Variants in SWI5 observed in about 807,000 individuals in gnomAD.
SWI5 encodes the protein DNA repair protein SWI5 homolog.
SWI5 carries 12 observed loss-of-function variants against 17.0 expected under a neutral mutation model. That is an observed-to-expected ratio of 0.71 (90% CI 0.45 to 1.14). The LOEUF (loss-of-function observed/expected upper bound fraction) is 1.14. SWI5 is among the 50% of genes most tolerant of loss of function. The pLI, the probability that SWI5 is intolerant of heterozygous loss-of-function variation, is 0.00. For synonymous variants in SWI5, 61 were observed against 64.0 expected (o/e 0.95, Z 0.22); for missense variants, 158 against 162.2 (o/e 0.97, Z 0.14).
In SWI5 at chr9:128,285,848, T is replaced by C; in HGVS notation, c.234-91T>C. On this transcript the variant is annotated intron_variant, in intron 3 of 4. Coordinates refer to ENST00000418976, the Ensembl canonical transcript of SWI5. The surrounding 1 kb of genome is among the most constrained non-coding windows in gnomAD (Gnocchi z 4.8). ...CTAGTACCTATCACCGAGTAGGCCA[T>C]TACAGATGCCTTATTACTATCTGAG... 2 of 852,364 alleles carry C rather than the reference T, an allele frequency of 2.3e-6. No homozygotes were observed. The highest frequency in any genetic ancestry group is 1.5e-5 in the South Asian group (1 of 68,076). 52.8% of individuals were successfully genotyped at this position (852,364 alleles called of 1,614,324 possible). A position where few individuals can be genotyped will look rare whatever the true frequency, so the allele number is the denominator to read the frequency against.
Position 128,285,972 on chromosome 9 carries a change from T to A in SWI5, c.267T>A (p.Ile89=). 6.2e-7 allele frequency: 1 copy of A among 1,614,094 alleles called. No individual in the cohort carries two copies. The highest frequency in any genetic ancestry group is 1.1e-5 in the South Asian group (1 of 91,080). ...GTGTGGATGAACTGGAGGACCACATTACCCAGCTTCACGAGTACAATGACA... is the reference window on the plus strand; with the variant it reads ...GTGTGGATGAACTGGAGGACCACATAACCCAGCTTCACGAGTACAATGACA... Residue 89 remains isoleucine, a synonymous_variant, in exon 4 of 5, where the codon ATT becomes ATA. Coordinates refer to ENST00000418976, the Ensembl canonical transcript of SWI5. The surrounding 1 kb of genome is among the most constrained non-coding windows in gnomAD (Gnocchi z 4.8).
In SWI5 at chr9:128,285,468, TG is replaced by T. The variant is rs1831622677; in HGVS notation, c.234-470del. On this transcript the variant is annotated intron_variant, in intron 3 of 4. Transcript: ENST00000418976. This position sits in a 1 kb window ranked among gnomAD's most constrained non-coding sequence, Gnocchi z 4.8. ...TCTCCGGAGCCATGTTCTCCACCTC[TG>T]CTTCCCTCTGCACAGACTCCATTCT... Among the ~76,000 whole-genome samples, 1 of 152,226 alleles carries T rather than the reference TG, an allele frequency of 6.6e-6. No individual in the cohort carries two copies. The highest frequency in any genetic ancestry group is 1.5e-5 in the Non-Finnish European group (1 of 68,040).
In SWI5 at chr9:128,285,327, A is replaced by G. The variant is rs181061320; in HGVS notation, c.234-612A>G. 1.8e-3 allele frequency among the ~76,000 whole-genome samples: 269 copies of G among 152,180 alleles called. No homozygotes were observed. Among genetic ancestry groups the G allele is most frequent in the African/African-American group, 6.2e-3 (258 of 41,528 alleles). ...GGAAGGAAGAAAGAAAGGAAGGACT[A>G]TGCTTCTGGATTCAGGACATAGCAG... On this transcript the variant is annotated intron_variant, in intron 3 of 4. Transcript: ENST00000418976. The surrounding 1 kb of genome is among the most constrained non-coding windows in gnomAD (Gnocchi z 4.8).
In SWI5 at chr9:128,285,904, G is replaced by A. The variant is rs1194223950; in HGVS notation, c.234-35G>A. Reference sequence around the variant, plus strand: ...GGCCATCATCTGCTTTCTTAACTGGGCTGTCTTTCCCCCTCTCTCCATCGC... The same window carrying A: ...GGCCATCATCTGCTTTCTTAACTGGACTGTCTTTCCCCCTCTCTCCATCGC... On this transcript the variant is annotated intron_variant, in intron 3 of 4. Coordinates refer to ENST00000418976, the Ensembl canonical transcript of SWI5. This position sits in a 1 kb window ranked among gnomAD's most constrained non-coding sequence, Gnocchi z 4.8. The A allele has an allele frequency of 3.4e-6, 5 of 1,471,722 alleles. No individual in the cohort carries two copies. Among genetic ancestry groups the A allele is most frequent in the African/African-American group, 2.8e-5 (2 of 71,984 alleles). The allele number at this position is 1,471,722 out of a possible 1,614,324, so 91.2% of individuals were successfully genotyped here.
chr9:128,275,871 G>C, upstream of SWI5: 1 of 1,381,552 alleles, frequency 7.2e-7, no homozygotes, highest in Non-Finnish European at 1.0e-6. Context: ...GGGTCGGGGG[G>C]CCGCGACCCG....
At chr9:128,276,884 T>G in intron 2 of SWI5, 129 bp downstream of exon 2, 1 of 960,560 alleles carries the variant, frequency 1.0e-6, no homozygotes, top group Non-Finnish European at 1.6e-6. Flanking sequence ...CCCAGTCGAC[T>G]GAGAACCGCC....
upstream of SWI5, chr9:128,276,173 T>A: frequency 6.3e-7 from 1 of 1,578,698 alleles, no homozygotes. Context: ...GAGGGACCTG[T>A]GGCGTCACAA....
chr9:128,277,527 C>G (rs1426706136), intron 2 of SWI5, among the ~76,000 whole-genome samples: 1 of 152,210 alleles, frequency 6.6e-6, no homozygotes, highest in Non-Finnish European at 1.5e-5. Context: ...GCACTCCAGC[C>G]TGGACAACAG....
At chr9:128,276,294 G>C in exon 1 of SWI5, 1 of 1,612,876 alleles carries the variant, frequency 6.2e-7, no homozygotes, top group Non-Finnish European at 8.5e-7. Flanking sequence ...CTCCGGGTCA[G>C]AGTTCCTGGC....
At chr9:128,277,406 C>A (rs1284600827) in intron 2 of SWI5, among the ~76,000 whole-genome samples, 1 of 152,056 alleles carries the variant, frequency 6.6e-6, no homozygotes, top group Admixed American at 6.6e-5. Context: ...ACAAAAAAAT[C>A]AGCCGAGCGT....
chr9:128,287,557 CTTTT>C (rs754816266), intron 4 of SWI5, among the ~76,000 whole-genome samples: 1 of 123,036 alleles, frequency 8.1e-6, no homozygotes. Context: ...TGGCCTATCC[CTTTT>C]TTTTTTTTTT....
chr9:128,287,899 G>C (rs1831673039), intron 4 of SWI5, among the ~76,000 whole-genome samples: 1 of 152,048 alleles, frequency 6.6e-6, no homozygotes, highest in Non-Finnish European at 1.5e-5. Flanking sequence ...CTGAGCAGCT[G>C]CTCTGTGCCC....
chr9:128,284,351 G>T (rs1281629918), intron 2 of SWI5, among the ~76,000 whole-genome samples, 159 bp from the exon 3 acceptor site: 11 of 151,568 alleles, frequency 7.3e-5, no homozygotes, highest in African/African-American at 2.7e-4. Flanking sequence ...TAGTCATAGG[G>T]CCACATCTAA....
intron 4 of SWI5, among the ~76,000 whole-genome samples, chr9:128,286,795 G>A (rs1006092117): frequency 6.6e-6 from 1 of 152,090 alleles, no homozygotes. Context: ...TGAAAAGAGC[G>A]GGGTGATCAG....
At chr9:128,275,549 C>T, upstream of SWI5, 2 of 1,245,784 alleles carry the variant, frequency 1.6e-6, no homozygotes, top group Non-Finnish European at 2.1e-6. Context: ...CCCAAAGTCA[C>T]TGGCGAGGGC....
At chr9:128,283,286 C>T (rs535940517) in intron 2 of SWI5, among the ~76,000 whole-genome samples, 3 of 152,226 alleles carry the variant, frequency 2.0e-5, no homozygotes, top group Admixed American at 6.5e-5. Context: ...TGTGCCATTG[C>T]ACTCCAGCCT....
intron 1 of SWI5, 73 bp from the exon 2 acceptor site, chr9:128,276,634 G>A: frequency 1.2e-6 from 2 of 1,612,950 alleles, no homozygotes; most frequent in Non-Finnish European, 1.7e-6. Context: ...TCCTCCTCCC[G>A]CATCCCCACA....
Position 128,285,816 on chromosome 9 carries a change from C to A in SWI5, c.234-123C>A. 1 of 645,844 alleles carries A rather than the reference C, an allele frequency of 1.5e-6. No individual in the cohort carries two copies. The allele number at this position is 645,844 out of a possible 1,614,324, so 40.0% of individuals were successfully genotyped here. A position where few individuals can be genotyped will look rare whatever the true frequency, so the allele number is the denominator to read the frequency against. On this transcript the variant is annotated intron_variant, in intron 3 of 4. Coordinates refer to ENST00000418976, the Ensembl canonical transcript of SWI5. This position sits in a 1 kb window ranked among gnomAD's most constrained non-coding sequence, Gnocchi z 4.8. ...AGGGCAGGGCCTATCTTGCTGTCAC[C>A]ATATCCCTAGTACCTATCACCGAGT...
At chr9:128,275,563 G>A, upstream of SWI5, 1 of 1,195,944 alleles carries the variant, frequency 8.4e-7, no homozygotes, top group Non-Finnish European at 1.1e-6. Context: ...CGAGGGCAGG[G>A]GCTGAATTGC....
Sources: gnomAD v4.1 joint callset for allele counts (sites outside exome capture counted in the v4.1 genomes callset) on GRCh38, gnomAD v4.1.1 for gene constraint, Gnocchi (gnomAD v3.1) non-coding constraint, MANE v1.5 for transcripts, NCBI Gene and HGNC (gene_info 2026-07-23, HGNC 2026-07-21) for gene names.